Variants in PPP2R2A observed in about 807,000 individuals in gnomAD.
PPP2R2A encodes serine/threonine-protein phosphatase 2A 55 kDa regulatory subunit B alpha isoform.
PPP2R2A carries 9 observed loss-of-function variants against 53.2 expected under a neutral mutation model. The ratio of observed to expected loss-of-function variants is 0.17; its 90% confidence interval spans 0.10 to 0.30. The LOEUF (loss-of-function observed/expected upper bound fraction) is 0.30, where lower values mean the gene tolerates loss of function less well. Among genes scored for constraint, PPP2R2A ranks in the 10% least tolerant of loss-of-function variants. The pLI, the probability that PPP2R2A is intolerant of heterozygous loss-of-function variation, is 1.00. For synonymous variants in PPP2R2A, 169 were observed against 174.2 expected (o/e 0.97, Z 0.23); for missense variants, 235 against 534.6 (o/e 0.44, Z 5.53).
At chr8:26,293,809 C>T in intron 2 of PPP2R2A, 69 bp downstream of exon 2, 5 of 1,408,262 alleles carry the variant, frequency 3.6e-6, no homozygotes, top group Non-Finnish European at 5.0e-6. Context: ...TGGAGGATTT[C>T]CTTGAAGCCG....
intron 4 of PPP2R2A, among the ~76,000 whole-genome samples, chr8:26,358,334 A>T (rs1203430979): frequency 6.6e-6 from 1 of 152,188 alleles, no homozygotes; most frequent in Non-Finnish European, 1.5e-5. Flanking sequence ...ATACTTTGCA[A>T]GTATTTAGAA....
chr8:26,351,925 A>T (rs908254473), intron 3 of PPP2R2A, among the ~76,000 whole-genome samples: 1 of 152,262 alleles, frequency 6.6e-6, no homozygotes, highest in Non-Finnish European at 1.5e-5. Flanking sequence ...AGTATGTGAC[A>T]TAGCTCATTC....
rs1805675335 is a variant in PPP2R2A, at chr8:26,371,750, ACTC to A, written c.*1339_*1341del. ...ACAGCGTTCAAAAAGTGCTTAATGAACTCCAACAGCTGCCTCAAATAAAAATCT... is the reference window on the plus strand; with the variant it reads ...ACAGCGTTCAAAAAGTGCTTAATGAACAACAGCTGCCTCAAATAAAAATCT... On this transcript the variant is annotated 3_prime_UTR_variant, in exon 10 of 10. Coordinates refer to ENST00000380737, the MANE Select transcript of PPP2R2A (RefSeq NM_002717.4). 1 of 152,142 alleles carries A rather than the reference ACTC, an allele frequency of 6.6e-6. No individual in the cohort carries two copies. The highest frequency in any genetic ancestry group is 2.4e-5 in the African/African-American group (1 of 41,428). 9.4% of individuals were successfully genotyped at this position (152,142 alleles called of 1,614,324 possible).
At chr8:26,363,982 A>G (rs1585412091) in intron 8 of PPP2R2A, 92 bp downstream of exon 8, 8 of 1,224,166 alleles carry the variant, frequency 6.5e-6, no homozygotes, top group African/African-American at 3.0e-5. Flanking sequence ...TAATCCCTGT[A>G]TGGTGTTTGT....
intron 2 of PPP2R2A, among the ~76,000 whole-genome samples, chr8:26,333,730 T>C (rs2117309303): frequency 6.6e-6 from 1 of 152,330 alleles, no homozygotes; most frequent in Admixed American, 6.5e-5. Flanking sequence ...TCTATTGTGT[T>C]TCTTATAATA....
At chr8:26,353,963 CTT>C in intron 3 of PPP2R2A, among the ~76,000 whole-genome samples, 1 of 151,904 alleles carries the variant, frequency 6.6e-6, no homozygotes, top group African/African-American at 2.4e-5. Context: ...TTTTTTTAAG[CTT>C]TCAGCAGCGA....
At position 26,360,025 on chromosome 8, in the gene PPP2R2A, G is replaced by C; in HGVS notation, c.347-144G>C. On this transcript the variant is annotated intron_variant, in intron 4 of 9. Transcript: ENST00000380737. The surrounding 1 kb of genome is among the most constrained non-coding windows in gnomAD (Gnocchi z 4.5). ...TGTGTATGTTATTCAGCTGATAATA[G>C]GAAATTTTTTAGTAAGTTCAGATTA... 2.0e-6 allele frequency: 1 copy of C among 505,526 alleles called. No homozygotes were observed. The highest frequency in any genetic ancestry group is 3.5e-6 in the Non-Finnish European group (1 of 284,452). 31.3% of individuals were successfully genotyped at this position (505,526 alleles called of 1,614,324 possible).
chr8:26,310,000 C>A (rs1276515961), intron 2 of PPP2R2A, among the ~76,000 whole-genome samples: 1 of 151,434 alleles, frequency 6.6e-6, no homozygotes, highest in African/African-American at 2.4e-5. Context: ...TGGTGCCATT[C>A]GGCCAGGCGT....
At chr8:26,328,155 A>C (rs1194680097) in intron 2 of PPP2R2A, among the ~76,000 whole-genome samples, 1 of 152,224 alleles carries the variant, frequency 6.6e-6, no homozygotes, top group Non-Finnish European at 1.5e-5. Flanking sequence ...AGTTTACTAA[A>C]TGATCCATCT....
At chr8:26,336,037 A>G (rs1410239134) in intron 2 of PPP2R2A, among the ~76,000 whole-genome samples, 1 of 152,168 alleles carries the variant, frequency 6.6e-6, no homozygotes, top group East Asian at 1.9e-4. Flanking sequence ...TGATTACATT[A>G]TAACTGGTTG....
chr8:26,296,516 A>G (rs765841040), intron 2 of PPP2R2A, among the ~76,000 whole-genome samples: 17 of 152,198 alleles, frequency 1.1e-4, no homozygotes, highest in Admixed American at 2.0e-4. Flanking sequence ...CCTTTTTGCT[A>G]ATTTCCTCTT....
At chr8:26,313,646 T>C (rs761697933) in intron 2 of PPP2R2A, among the ~76,000 whole-genome samples, 2 of 152,120 alleles carry the variant, frequency 1.3e-5, no homozygotes, top group Non-Finnish European at 2.9e-5. Context: ...GTTATCCTGG[T>C]AGGCTGTAAA....
chr8:26,299,297 A>T (rs1042163589), intron 2 of PPP2R2A, among the ~76,000 whole-genome samples: 1 of 152,010 alleles, frequency 6.6e-6, no homozygotes, highest in Admixed American at 6.5e-5. Flanking sequence ...CATTCAAGAT[A>T]GTTATTTTAA....
chr8:26,364,507 A>G lies in PPP2R2A; in HGVS notation c.972+617A>G, dbSNP rs1805269171. Among the ~76,000 whole-genome samples the G allele has an allele frequency of 2.6e-5, 4 of 152,236 alleles. No individual in the cohort carries two copies. In the South Asian group the frequency reaches 8.3e-4, roughly 32 times the overall value. ...GAGAATGAAGTACACAGCCTGGAAC[A>G]GGGTGAGGGACAGCACAAACCTGTG... On this transcript the variant is annotated intron_variant, in intron 8 of 9. Transcript: ENST00000380737.
intron 3 of PPP2R2A, among the ~76,000 whole-genome samples, chr8:26,351,509 G>T (rs1804512223): frequency 6.6e-6 from 1 of 152,204 alleles, no homozygotes; most frequent in Non-Finnish European, 1.5e-5. Flanking sequence ...CACAGATACA[G>T]ACTATTTCCA....
intron 3 of PPP2R2A, among the ~76,000 whole-genome samples, chr8:26,346,458 T>C (rs1181806359): frequency 1.3e-5 from 2 of 152,160 alleles, no homozygotes; most frequent in Non-Finnish European, 2.9e-5. Flanking sequence ...ACATTATTTA[T>C]TGAAATTTTT....
chr8:26,301,441 T>C (rs532809553), intron 2 of PPP2R2A, among the ~76,000 whole-genome samples: 22 of 151,496 alleles, frequency 1.5e-4, no homozygotes, highest in Non-Finnish European at 2.9e-4. Flanking sequence ...CAAGCGATCC[T>C]CCTGCCCCAG....
At chr8:26,320,907 T>G (rs1388345343) in intron 2 of PPP2R2A, among the ~76,000 whole-genome samples, 2 of 152,166 alleles carry the variant, frequency 1.3e-5, no homozygotes, top group Non-Finnish European at 2.9e-5. Flanking sequence ...CGAAACAGTC[T>G]TTTAAAGAAT....
chr8:26,314,568 G>A (rs1802447438), intron 2 of PPP2R2A, among the ~76,000 whole-genome samples: 1 of 152,190 alleles, frequency 6.6e-6, no homozygotes, highest in African/African-American at 2.4e-5. Flanking sequence ...TGCCTGCCTG[G>A]AAGAGATGTC....
Sources: allele counts gnomAD v4.1 joint callset (sites outside exome capture counted in the v4.1 genomes callset), GRCh38; gene constraint gnomAD v4.1.1; non-coding constraint Gnocchi (gnomAD v3.1); transcripts MANE v1.5; gene names NCBI Gene and HGNC (gene_info 2026-07-23, HGNC 2026-07-21).